The following RABL2A variants were observed in gnomAD, a reference collection of about 807,000 sequenced individuals.
RABL2A encodes rab-like protein 2A.
Under a neutral mutation model 30.7 loss-of-function variants are expected in RABL2A, and 17 were observed. The ratio of observed to expected loss-of-function variants is 0.55; its 90% CI spans 0.38 to 0.83. The LOEUF is 0.83. RABL2A is among the 40% of genes least tolerant of loss of function. The probability of loss-of-function intolerance (pLI) is 0.00; values close to 1 mark genes in which losing one functional copy is unlikely to be tolerated. For missense variants in RABL2A, 155 were observed against 272.6 expected (o/e 0.57, Z 3.04); for synonymous variants, 64 against 101.8 (o/e 0.63, Z 2.24).
intron 2 of RABL2A, among the ~76,000 whole-genome samples, chr2:113,630,172 C>T (rs1679792467): frequency 6.6e-6 from 1 of 152,176 alleles, no homozygotes; most frequent in Admixed American, 6.5e-5. Flanking sequence ...CATTGGCCTC[C>T]ACAGACACAA....
intron 6 of RABL2A, 91 bp from the exon 7 acceptor site, chr2:113,641,262 C>T: frequency 1.3e-6 from 2 of 1,586,998 alleles, no homozygotes; most frequent in South Asian, 1.1e-5. Flanking sequence ...CCCTGCCTAT[C>T]CCACTTTCTG....
At chr2:113,627,694 G>T (rs1412933935) in intron 1 of RABL2A, among the ~76,000 whole-genome samples, 3 of 152,252 alleles carry the variant, frequency 2.0e-5, no homozygotes, top group African/African-American at 4.8e-5. Flanking sequence ...GAGGAGGGAG[G>T]ATCGCTTGAG....
At chr2:113,630,507 T>C (rs1352097083) in intron 2 of RABL2A, among the ~76,000 whole-genome samples, 2 of 152,162 alleles carry the variant, frequency 1.3e-5, no homozygotes, top group Admixed American at 6.5e-5. Context: ...GTTCATCATA[T>C]CTGAAGGGCG....
chr2:113,629,619 C>A (rs1031689560), intron 2 of RABL2A, among the ~76,000 whole-genome samples: 1 of 151,896 alleles, frequency 6.6e-6, no homozygotes, highest in Non-Finnish European at 1.5e-5. Flanking sequence ...ACTGCAAGCT[C>A]CGCCTCCCGG....
intron 5 of RABL2A, chr2:113,638,086 A>T: frequency 1.0e-6 from 1 of 985,478 alleles, no homozygotes; most frequent in Non-Finnish European, 1.2e-6. Context: ...AACAAGGAAC[A>T]GATGCTCAGG....
intron 4 of RABL2A, 149 bp from the exon 5 acceptor site, chr2:113,634,902 A>G: frequency 1.1e-6 from 1 of 889,418 alleles, no homozygotes; most frequent in Non-Finnish European, 1.8e-6. Context: ...TTGAAGACAC[A>G]CGTGTGGGGC....
intron 5 of RABL2A, chr2:113,639,913 A>G (rs1377567952): frequency 6.6e-6 from 1 of 151,236 alleles, no homozygotes; most frequent in Non-Finnish European, 1.5e-5. Context: ...CAGCACCTTT[A>G]GAGGCCCAGG....
At position 113,632,886 on chromosome 2, in the gene RABL2A, T is replaced by C. The variant is rs1341310605; in HGVS notation, c.108-29T>C. ...GGACAAGGGAGAGATGGAGACGCCA[T>C]CTGACCACCTTGCCTGTTCTGCTTA... On this transcript the variant is annotated intron_variant, in intron 2 of 8. Coordinates refer to ENST00000683472, the MANE Select transcript of RABL2A (RefSeq NM_001306158.2). 5.6e-6 allele frequency: 9 copies of C among 1,614,190 alleles called. 1 individual carries two copies. The highest frequency in any genetic ancestry group is 7.6e-6 in the Non-Finnish European group (9 of 1,180,022).
chr2:113,631,355 A>C (rs1302019254), intron 2 of RABL2A, among the ~76,000 whole-genome samples: 7 of 151,486 alleles, frequency 4.6e-5, no homozygotes, highest in African/African-American at 1.7e-4. Context: ...CACCCCCCCC[A>C]CCCAAAACTA....
chr2:113,641,569 G>C (rs1056576760), intron 7 of RABL2A, 119 bp downstream of exon 7: 19 of 1,605,640 alleles, frequency 1.2e-5, no homozygotes, highest in Non-Finnish European at 1.4e-5. Context: ...CATGGGCCTG[G>C]GTGGCAGGGA....
At chr2:113,635,204 G>T (rs1682099122) in intron 5 of RABL2A, 74 bp downstream of exon 5, 1 of 1,482,168 alleles carries the variant, frequency 6.7e-7, no homozygotes, top group Non-Finnish European at 9.4e-7. Context: ...TAGCAGCCCT[G>T]GGCCCTTGTA....
chr2:113,642,262 C>G lies in RABL2A; in HGVS notation c.*133C>G. ...TGCAACCCACCCATCCTATTAGCCT[C>G]CCACATTCAAGGCCCGTGATACAGG... is the stretch of plus-strand genomic sequence containing the variant. On this transcript the variant is annotated 3_prime_UTR_variant, in exon 9 of 9. Coordinates refer to ENST00000683472, the MANE Select transcript of RABL2A (RefSeq NM_001306158.2). 1 of 1,482,120 alleles carries G rather than the reference C, an allele frequency of 6.7e-7. No homozygotes were observed. Among genetic ancestry groups the G allele is most frequent in the East Asian group, 2.5e-5 (1 of 40,158 alleles). 91.8% of individuals were successfully genotyped at this position (1,482,120 alleles called of 1,614,324 possible).
At chr2:113,639,585 G>A (rs893840839) in intron 5 of RABL2A, among the ~76,000 whole-genome samples, 25 of 151,264 alleles carry the variant, frequency 1.7e-4, no homozygotes, top group African/African-American at 3.2e-4. Context: ...CCAAGATAGC[G>A]CCACTGCACT....
At position 113,641,363 on chromosome 2, in the gene RABL2A, C is replaced by A; in HGVS notation, c.420C>A (p.Asn140Lys). 6.2e-7 allele frequency: 1 copy of A among 1,613,562 alleles called. No homozygotes were observed. The highest frequency in any genetic ancestry group is 8.5e-7 in the Non-Finnish European group (1 of 1,179,956). Reference sequence around the variant, plus strand: ...ACCTTCTCTCTACAGCAGACATAAACGTGACCCAAAAAAGCTTCAATTTTG... The same window carrying A: ...ACCTTCTCTCTACAGCAGACATAAAAGTGACCCAAAAAAGCTTCAATTTTG... ...VVANKIDADI[N>K]VTQKSFNFAK... Residue 140 changes from asparagine to lysine, a missense_variant, in exon 7 of 9, where the codon AAC becomes AAA. Physicochemically the swap from Asn to Lys is moderately conservative, Grantham distance 94. This residue lies in a region of RABL2A where 33 missense variants were observed against 30.7 expected (regional missense o/e 1.08). Transcript: ENST00000683472.
At chr2:113,636,290 A>G (rs1682693898) in intron 5 of RABL2A, among the ~76,000 whole-genome samples, 1 of 151,866 alleles carries the variant, frequency 6.6e-6, no homozygotes, top group African/African-American at 2.4e-5. Flanking sequence ...GTACAAAACA[A>G]CCATTTTCTG....
intron 1 of RABL2A, among the ~76,000 whole-genome samples, chr2:113,627,666 C>T (rs1253870544): frequency 6.6e-6 from 1 of 152,232 alleles, no homozygotes; most frequent in African/African-American, 2.4e-5. Flanking sequence ...TGGCTCACGC[C>T]TATAGTCCAG....
chr2:113,631,002 A>T (rs1481755324), intron 2 of RABL2A, among the ~76,000 whole-genome samples: 1 of 152,054 alleles, frequency 6.6e-6, no homozygotes, highest in Non-Finnish European at 1.5e-5. Context: ...GGTTCAAGCA[A>T]TTCTCATGCC....
At chr2:113,634,054 G>C in intron 3 of RABL2A, 99 bp from the exon 4 acceptor site, 2 of 1,454,660 alleles carry the variant, frequency 1.4e-6, no homozygotes, top group South Asian at 2.5e-5. Context: ...CCAAAGAGAA[G>C]AGGAGGGAGA....
chr2:113,629,854 A>G (rs1187639279), intron 2 of RABL2A, among the ~76,000 whole-genome samples: 4 of 152,060 alleles, frequency 2.6e-5, no homozygotes, highest in African/African-American at 9.7e-5. Context: ...TTAGTATTTT[A>G]TAGTTACTTT....
Sources: gnomAD v4.1 joint callset for allele counts (sites outside exome capture counted in the v4.1 genomes callset) on GRCh38, gnomAD v4.1.1 for gene constraint, gnomAD v4.1.1 regional missense constraint, MANE v1.5 for transcripts, NCBI Gene and HGNC (gene_info 2026-07-23, HGNC 2026-07-21) for gene names.